Variants in RNFT2 observed in about 807,000 individuals in gnomAD.
The protein encoded by RNFT2 is E3 ubiquitin-protein ligase RNFT2.
In RNFT2, 36 loss-of-function variants were observed where a neutral mutation model predicts 53.0. That is an observed-to-expected ratio of 0.68 (90% confidence interval 0.52 to 0.90). The LOEUF is 0.90. Ranked by LOEUF, RNFT2 falls within the 40% of genes least tolerant of loss-of-function variation. The probability of loss-of-function intolerance (pLI) is 0.00; values close to 1 mark genes in which losing one functional copy is unlikely to be tolerated. For missense variants in RNFT2, 514 were observed against 585.6 expected (o/e 0.88, Z 1.26); for synonymous variants, 260 against 253.2 (o/e 1.03, Z -0.26).
At chr12:116,740,870 G>C (rs989426611) in intron 2 of RNFT2, 166 bp from the exon 3 acceptor site, 1 of 662,860 alleles carries the variant, frequency 1.5e-6, no homozygotes, top group Admixed American at 2.3e-5. Context: ...ATGTCACATT[G>C]AGGATGGAAT....
In RNFT2 at chr12:116,853,195, C is replaced by T. The variant is rs192580599; in HGVS notation, c.*3747C>T. On this transcript the variant is annotated 3_prime_UTR_variant, in exon 11 of 11. Coordinates refer to ENST00000257575, the MANE Select transcript of RNFT2 (RefSeq NM_001382266.1). ...CAGTGCGAAAGCAGCCAGGAGTCCCCGTTGGAAAAGAACAATGCCACTCTC... is the reference window on the plus strand; with the variant it reads ...CAGTGCGAAAGCAGCCAGGAGTCCCTGTTGGAAAAGAACAATGCCACTCTC... 7.5e-6 allele frequency: 3 copies of T among 398,838 alleles called. No homozygotes were observed. The highest frequency in any genetic ancestry group is 7.1e-5 in the East Asian group (2 of 28,066). 24.7% of individuals were successfully genotyped at this position (398,838 alleles called of 1,614,324 possible). A position where few individuals can be genotyped will look rare whatever the true frequency, so the allele number is the denominator to read the frequency against.
intron 5 of RNFT2, among the ~76,000 whole-genome samples, chr12:116,761,515 G>C (rs1472414244): frequency 6.6e-6 from 1 of 152,188 alleles, no homozygotes; most frequent in Non-Finnish European, 1.5e-5. Flanking sequence ...GGTGGACATA[G>C]AGCTTCACCA....
At chr12:116,739,635 G>A (rs1474369521) in intron 1 of RNFT2, among the ~76,000 whole-genome samples, 2 of 152,198 alleles carry the variant, frequency 1.3e-5, no homozygotes, top group African/African-American at 2.4e-5. Flanking sequence ...CCAAGGGGAG[G>A]GCACAGCAAG....
intron 7 of RNFT2, chr12:116,782,094 A>AAAAAAAAAAAAAAAAAAG (rs56234630): frequency 1.3e-5 from 2 of 149,104 alleles, no homozygotes; most frequent in African/African-American, 4.9e-5. Context: ...AAAAAAAAAA[A>AAAAAAAAAAAAAAAAAAG]TGTGGACATC....
At chr12:116,805,535 C>T (rs1245023571) in intron 7 of RNFT2, among the ~76,000 whole-genome samples, 7 of 152,178 alleles carry the variant, frequency 4.6e-5, no homozygotes, top group Non-Finnish European at 7.4e-5. Context: ...AGTGCAGTGG[C>T]GCAATCTCAG....
At chr12:116,760,315 T>C (rs982167075) in intron 5 of RNFT2, among the ~76,000 whole-genome samples, 9 of 152,206 alleles carry the variant, frequency 5.9e-5, no homozygotes, top group African/African-American at 2.2e-4. Context: ...GTGCCGCCGC[T>C]GTGGAGTCTG....
intron 6 of RNFT2, among the ~76,000 whole-genome samples, chr12:116,767,952 C>A (rs1198860694): frequency 1.3e-5 from 2 of 152,112 alleles, no homozygotes. Flanking sequence ...TCCAACTAAC[C>A]ACATTTCAAG....
At chr12:116,786,854 C>T (rs1479636389) in intron 7 of RNFT2, among the ~76,000 whole-genome samples, 1 of 152,154 alleles carries the variant, frequency 6.6e-6, no homozygotes, top group Non-Finnish European at 1.5e-5. Flanking sequence ...CTTGCCTCTT[C>T]GGGCTTCTGG....
intron 3 of RNFT2, among the ~76,000 whole-genome samples, chr12:116,747,325 G>A (rs1871946518): frequency 6.6e-6 from 1 of 152,120 alleles, no homozygotes; most frequent in Non-Finnish European, 1.5e-5. Flanking sequence ...CAAAGTGCTG[G>A]GATTATAGGC....
Position 116,845,256 on chromosome 12 carries a change from A to T in RNFT2, c.1201-4058A>T, listed in dbSNP as rs1374514841. Among the ~76,000 whole-genome samples the T allele has an allele frequency of 3.3e-3, 375 of 113,532 alleles. 1 individual carries two copies. Among genetic ancestry groups the T allele is most frequent in the African/African-American group, 0.01 (183 of 17,934 alleles). The allele number at this position is 113,532 out of a possible 152,430, so 74.5% of individuals were successfully genotyped here. A position where few individuals can be genotyped will look rare whatever the true frequency, so the allele number is the denominator to read the frequency against. On this transcript the variant is annotated intron_variant, in intron 10 of 10. Coordinates refer to ENST00000257575, the MANE Select transcript of RNFT2 (RefSeq NM_001382266.1). Reference sequence around the variant, plus strand: ...AAGACCCGGTTTCAAAAAAAAAAAAAAAATATATATATATATATAGAGAGA... The same window carrying T: ...AAGACCCGGTTTCAAAAAAAAAAAATAAATATATATATATATATAGAGAGA...
At position 116,852,545 on chromosome 12, in the gene RNFT2, A is replaced by C; in HGVS notation, c.*3097A>C. ...AGGGGAAGCAGAGGGAAATGGGGCCATGTGAATGCAGCTGCTCTGTTCTCC... is the reference window on the plus strand; with the variant it reads ...AGGGGAAGCAGAGGGAAATGGGGCCCTGTGAATGCAGCTGCTCTGTTCTCC... On this transcript the variant is annotated 3_prime_UTR_variant, in exon 11 of 11. Transcript: ENST00000257575. The C allele has an allele frequency of 1.3e-6, 2 of 1,592,144 alleles. No homozygotes were observed. Among genetic ancestry groups the C allele is most frequent in the Non-Finnish European group, 1.7e-6 (2 of 1,168,228 alleles).
At chr12:116,833,748 G>A (rs781375273) in intron 7 of RNFT2, 44 bp from the exon 8 acceptor site, 2 of 1,608,038 alleles carry the variant, frequency 1.2e-6, no homozygotes, top group South Asian at 2.2e-5. Flanking sequence ...GGTCCTTTGG[G>A]TCTTTACTGC....
chr12:116,852,700 T>C lies in RNFT2; in HGVS notation c.*3252T>C, dbSNP rs1212136134. 4 of 1,613,776 alleles carry C rather than the reference T, an allele frequency of 2.5e-6. No individual in the cohort carries two copies. The Admixed American group carries it at 5.0e-5, about 20-fold the overall frequency. ...TGGAGCTGGAGAAGATTGATGAAAG[T>C]GCAGGTGTGTAAGGAAATAGAACAG... On this transcript the variant is annotated 3_prime_UTR_variant, in exon 11 of 11. Coordinates refer to ENST00000257575, the MANE Select transcript of RNFT2 (RefSeq NM_001382266.1).
At chr12:116,781,589 C>T (rs1028736712) in intron 7 of RNFT2, among the ~76,000 whole-genome samples, 2 of 151,580 alleles carry the variant, frequency 1.3e-5, no homozygotes, top group Admixed American at 1.3e-4. Flanking sequence ...TCTCTCCTCT[C>T]TCCCTCTCCC....
chr12:116,769,677 C>A (rs1463773766), intron 6 of RNFT2, among the ~76,000 whole-genome samples: 1 of 152,006 alleles, frequency 6.6e-6, no homozygotes, highest in African/African-American at 2.4e-5. Flanking sequence ...ACTAAGTGTA[C>A]CAAGTAAAAA....
intron 5 of RNFT2, among the ~76,000 whole-genome samples, chr12:116,760,975 T>G (rs1872672510): frequency 6.6e-6 from 1 of 152,028 alleles, no homozygotes; most frequent in African/African-American, 2.4e-5. Flanking sequence ...AACTCCCGGA[T>G]TCAAGCAATC....
chr12:116,758,205 T>C (rs1311672303), intron 5 of RNFT2, among the ~76,000 whole-genome samples: 1 of 152,228 alleles, frequency 6.6e-6, no homozygotes, highest in African/African-American at 2.4e-5. Context: ...TAAGTTTATG[T>C]GAGTCCTTAT....
intron 7 of RNFT2, among the ~76,000 whole-genome samples, chr12:116,794,689 A>AGGGAGGGAGGGAGGGAGGGAGGGG (rs1566083539): frequency 2.9e-5 from 2 of 70,146 alleles, no homozygotes; most frequent in East Asian, 5.4e-4. Flanking sequence ...GGAGGGAGGG[A>AGGGAGGGAGGGAGGGAGGGAGGGG]GGGAAGGGAA....
intron 6 of RNFT2, among the ~76,000 whole-genome samples, chr12:116,774,923 T>G (rs1873359946): frequency 6.7e-6 from 1 of 149,832 alleles, no homozygotes; most frequent in South Asian, 2.1e-4. Flanking sequence ...TGAGTCAAAC[T>G]GGTGCACAGA....
Sources: allele counts gnomAD v4.1 joint callset (sites outside exome capture counted in the v4.1 genomes callset), GRCh38; gene constraint gnomAD v4.1.1; transcripts MANE v1.5; gene names NCBI Gene and HGNC (gene_info 2026-07-23, HGNC 2026-07-21).